UPF3A: variants seen among roughly 807,000 people sequenced by gnomAD.
UPF3A encodes the protein UPF3A regulator of nonsense mediated mRNA decay.
Under a neutral mutation model 53.5 loss-of-function variants are expected in UPF3A, and 42 were observed. The observed-to-expected ratio is 0.78, with a 90% CI of 0.61 to 1.01. The LOEUF (loss-of-function observed/expected upper bound fraction) is 1.01, where lower values mean the gene tolerates loss of function less well. Among genes scored for constraint, UPF3A ranks in the 50% least tolerant of loss-of-function variants. UPF3A has a pLI of 0.00. For synonymous variants in UPF3A, 237 were observed against 225.3 expected (o/e 1.05, Z -0.47); for missense variants, 575 against 598.0 (o/e 0.96, Z 0.40).
In UPF3A at chr13:114,281,620, G is replaced by A. The variant is rs1275566716; in HGVS notation, c.-20G>A. ...GGTTTCGTCGGGGGCTGGCGGCTGCGGCTCGGCGGAGAGTGCGGCATGCGC... is the reference window on the plus strand; with the variant it reads ...GGTTTCGTCGGGGGCTGGCGGCTGCAGCTCGGCGGAGAGTGCGGCATGCGC... On this transcript the variant is annotated 5_prime_UTR_variant, in exon 1 of 10. Transcript: ENST00000375299. The A allele has an allele frequency of 1.4e-5, 20 of 1,408,780 alleles. No homozygotes were observed. Among genetic ancestry groups the A allele is most frequent in the South Asian group, 1.3e-4 (9 of 68,330 alleles). The allele number at this position is 1,408,780 out of a possible 1,614,324, so 87.3% of individuals were successfully genotyped here.
At chr13:114,301,464 G>GAAA (rs201804984) in intron 8 of UPF3A, among the ~76,000 whole-genome samples, 16 of 115,062 alleles carry the variant, frequency 1.4e-4, no homozygotes, top group African/African-American at 5.2e-4. Context: ...CTCCATCTCA[G>GAAA]AAAAAAAAAA....
intron 2 of UPF3A, 98 bp downstream of exon 2, chr13:114,282,225 A>T (rs9590410): frequency 0.57 from 586,954 of 1,036,186 alleles, 172,642 homozygotes; most frequent in African/African-American, 0.89. Flanking sequence ...GATTTCTCCT[A>T]TATGGGAGTC....
rs528196086 is a variant in UPF3A at position 114,292,235 on chromosome 13, G to A, written c.846+443G>A. ...TTCATTTTCGACTCAAGGCGTACAC[G>A]TGCAGATGTGTCACATGTTCATTTT... On this transcript the variant is annotated intron_variant, in intron 7 of 9. Coordinates refer to ENST00000375299, the MANE Select transcript of UPF3A (RefSeq NM_023011.4). Among the ~76,000 whole-genome samples the A allele has an allele frequency of 1.1e-4, 17 of 150,426 alleles. No homozygotes were observed. The South Asian group carries it at 2.5e-3, about 22-fold the overall frequency.
rs2084500022 is a variant in UPF3A, at chr13:114,284,741, A to G, written c.422-1561A>G. 2.0e-5 allele frequency among the ~76,000 whole-genome samples: 3 copies of G among 151,580 alleles called. No homozygotes were observed. In the South Asian group the frequency reaches 6.3e-4, roughly 32 times the overall value. The stretch of plus-strand genomic sequence containing the variant: ...CAAAATTTATACCATACTGTTTTCC[A>G]CAGTGACTGCGCCATTTTAGGTTCC... On this transcript the variant is annotated intron_variant, in intron 3 of 9. Transcript: ENST00000375299.
At position 114,304,866 on chromosome 13, in the gene UPF3A, C is replaced by T; in HGVS notation, c.1380C>T (p.Cys460=). Residue 460 remains cysteine (C), a synonymous_variant, in exon 10 of 10, where the codon TGC becomes TGT. Coordinates refer to ENST00000375299, the MANE Select transcript of UPF3A (RefSeq NM_023011.4). ...ARECGGNRRI[C]KAEGSGTGPE... ...AGTGTGGCGGAAACAGGAGGATCTG[C>T]AAGGCAGAAGGTTCGGGGACTGGTC... The T allele has an allele frequency of 6.2e-7, 1 of 1,613,824 alleles. No homozygotes were observed. The highest frequency in any genetic ancestry group is 8.5e-7 in the Non-Finnish European group (1 of 1,179,782).
chr13:114,286,013 C>G lies in UPF3A; in HGVS notation c.422-289C>G, dbSNP rs1339592834. The G allele has an allele frequency of 8.5e-6, 3 of 351,220 alleles. No individual in the cohort carries two copies. The East Asian group carries it at 1.5e-4, about 17-fold the overall frequency. The allele number at this position is 351,220 out of a possible 1,614,324, so 21.8% of individuals were successfully genotyped here. A position where few individuals can be genotyped will look rare whatever the true frequency, so the allele number is the denominator to read the frequency against. ...TTTTGAACAACTTCAGTTATGCAACCACCACAACATGATGGATTGTTTTAG... is the reference window on the plus strand; with the variant it reads ...TTTTGAACAACTTCAGTTATGCAACGACCACAACATGATGGATTGTTTTAG... On this transcript the variant is annotated intron_variant, in intron 3 of 9. Transcript: ENST00000375299.
Position 114,283,610 on chromosome 13 carries a change from A to G in UPF3A, c.421+667A>G, listed in dbSNP as rs189427092. 2.5e-4 allele frequency: 77 copies of G among 313,154 alleles called. 1 individual carries two copies. Among genetic ancestry groups the G allele is most frequent in the African/African-American group, 1.3e-3 (57 of 44,340 alleles). 19.4% of individuals were successfully genotyped at this position (313,154 alleles called of 1,614,324 possible). On this transcript the variant is annotated intron_variant, in intron 3 of 9. Transcript: ENST00000375299. ...TTTTCCAAAATGTACACTGACTTCT[A>G]TCTTCCTAAACAGCATCCTTCATGA...
chr13:114,281,704 G>A lies in UPF3A; in HGVS notation c.65G>A (p.Gly22Glu), dbSNP rs2084021672. ...RAAVAARGPS[G>E]REKLSALEVQ... ...GCCGTTGCCGCGCGGGGCCCGAGCG[G>A]GAGGGAGAAGCTGTCGGCCCTAGAA... is the stretch of plus-strand genomic sequence containing the variant. Residue 22 changes from glycine to glutamate, a missense_variant, in exon 1 of 10, where the codon GGG becomes GAG. Physicochemically the swap from Gly to Glu is moderately conservative, Grantham distance 98. Around this residue, in one of 2 missense-constraint regions of UPF3A, gnomAD observed 252 missense variants for 182.7 expected, o/e 1.38. Transcript: ENST00000375299. 5.8e-6 allele frequency: 9 copies of A among 1,547,522 alleles called. No homozygotes were observed. Among genetic ancestry groups the A allele is most frequent in the Non-Finnish European group, 7.9e-6 (9 of 1,146,384 alleles).
intron 5 of UPF3A, among the ~76,000 whole-genome samples, chr13:114,287,972 A>G (rs893473666): frequency 6.6e-6 from 1 of 152,044 alleles, no homozygotes; most frequent in African/African-American, 2.4e-5. Context: ...ATGCCCAGCT[A>G]ATTTTTATAT....
rs373380917 is a variant in UPF3A, at chr13:114,281,806, C to T, written c.167C>T (p.Ala56Val). The T allele has an allele frequency of 4.6e-4, 710 of 1,552,258 alleles. 3 individuals are homozygous for T. The highest frequency in any genetic ancestry group is 2.6e-3 in the Middle Eastern group (15 of 5,748). The change falls in exon 1 of 10, where the codon GCG becomes GTG. Residue 56 changes from alanine (A) to valine (V), a missense_variant. Physicochemically the swap from Ala to Val is moderately conservative, Grantham distance 64 (BLOSUM62 0). Around this residue, in one of 2 missense-constraint regions of UPF3A, gnomAD observed 252 missense variants for 182.7 expected, o/e 1.38. Coordinates refer to ENST00000375299, the MANE Select transcript of UPF3A (RefSeq NM_023011.4). Reference sequence around the variant, plus strand: ...TCGTCCTCCGGTTGCGGGGGCGGTGCGGGCAAACCTCGCGAGGAGAAGAGG... The same window carrying T: ...TCGTCCTCCGGTTGCGGGGGCGGTGTGGGCAAACCTCGCGAGGAGAAGAGG... ...PTSSSGCGGG[A>V]GKPREEKRTA...
At chr13:114,290,986 T>TAAGG (rs1242108379) in intron 5 of UPF3A, among the ~76,000 whole-genome samples, 3 of 151,860 alleles carry the variant, frequency 2.0e-5, no homozygotes, top group African/African-American at 7.3e-5. Flanking sequence ...CTGCCCGCCT[T>TAAGG]GGCCTCCCAA....
In UPF3A at chr13:114,286,690, G is replaced by GT. The variant is rs1021001195; in HGVS notation, c.631+67dup. 145 of 1,366,438 alleles carry GT rather than the reference G, an allele frequency of 1.1e-4. 1 individual carries two copies. The highest frequency in any genetic ancestry group is 9.7e-4 in the Admixed American group (41 of 42,250). The allele number at this position is 1,366,438 out of a possible 1,614,324, so 84.6% of individuals were successfully genotyped here. ...AGAGATTTACTCGTAGAGGATATAC[G>GT]TTTTTTCTCTTTTTCTTGACTGTGA... On this transcript the variant is annotated intron_variant, in intron 5 of 9. Coordinates refer to ENST00000375299, the MANE Select transcript of UPF3A (RefSeq NM_023011.4).
rs1176944639 is a variant in UPF3A at position 114,305,752 on chromosome 13, A to G, written c.*835A>G. On this transcript the variant is annotated 3_prime_UTR_variant, in exon 10 of 10. Coordinates refer to ENST00000375299, the MANE Select transcript of UPF3A (RefSeq NM_023011.4). ...CTTTCAGTGAAATTGCTAAATGTCA[A>G]TGTATTTTTGGCACTGCGATTTTAA... The G allele has an allele frequency of 3.9e-5, 6 of 152,194 alleles. No homozygotes were observed. Among genetic ancestry groups the G allele is most frequent in the South Asian group, 2.1e-4 (1 of 4,830 alleles). 9.4% of individuals were successfully genotyped at this position (152,194 alleles called of 1,614,324 possible).
chr13:114,296,789 G>A lies in UPF3A; in HGVS notation c.847-2051G>A, dbSNP rs2701319. Among the ~76,000 whole-genome samples the A allele has an allele frequency of 9.9e-5, 15 of 152,260 alleles. No homozygotes were observed. In the East Asian group the frequency reaches 1.3e-3, roughly 14 times the overall value. On this transcript the variant is annotated intron_variant, in intron 7 of 9. Coordinates refer to ENST00000375299, the MANE Select transcript of UPF3A (RefSeq NM_023011.4). ...CAGAGTTGAGTTGAATGTGGAGCAC[G>A]CAGCTGGTGTCGGAGGGGTGGTATT...
intron 2 of UPF3A, 71 bp downstream of exon 2, chr13:114,282,198 C>T: frequency 2.4e-6 from 3 of 1,269,066 alleles, no homozygotes; most frequent in African/African-American, 1.5e-5. Context: ...GTCTCGTTGC[C>T]TTACGTTCCT....
chr13:114,296,031 G>A (rs185892512), intron 7 of UPF3A, among the ~76,000 whole-genome samples: 82 of 152,212 alleles, frequency 5.4e-4, no homozygotes, highest in South Asian at 1.7e-3. Flanking sequence ...AGAGGTCACC[G>A]GTGGCCAGTG....
intron 5 of UPF3A, among the ~76,000 whole-genome samples, chr13:114,288,522 T>C (rs1463081157): frequency 1.3e-5 from 2 of 151,976 alleles, no homozygotes; most frequent in South Asian, 2.1e-4. Context: ...TTGGCACACA[T>C]GGGTGAGGGC....
intron 7 of UPF3A, among the ~76,000 whole-genome samples, chr13:114,295,588 CT>C (rs2085885726): frequency 6.6e-6 from 1 of 152,242 alleles, no homozygotes. Flanking sequence ...CTGGGCCCTC[CT>C]CTTCCTGCGT....
At chr13:114,303,130 T>C (rs1399681799) in intron 9 of UPF3A, among the ~76,000 whole-genome samples, 4 of 151,990 alleles carry the variant, frequency 2.6e-5, no homozygotes, top group Non-Finnish European at 4.4e-5. Flanking sequence ...AAGTCAAGGC[T>C]GAAAGCCAGA....
Sources: allele counts gnomAD v4.1 joint callset (sites outside exome capture counted in the v4.1 genomes callset), GRCh38; gene constraint gnomAD v4.1.1; regional missense constraint gnomAD v4.1.1; transcripts MANE v1.5; gene names NCBI Gene and HGNC (gene_info 2026-07-23, HGNC 2026-07-21).